ENO4: variants seen among roughly 807,000 people sequenced by gnomAD.
The protein encoded by ENO4 is 2-phospho-D-glycerate hydro-lyase.
Under a neutral mutation model 63.2 loss-of-function variants are expected in ENO4, and 53 were observed. The ratio of observed to expected loss-of-function variants is 0.84; its 90% confidence interval spans 0.67 to 1.05. ENO4 has a LOEUF of 1.05. Ranked by LOEUF, ENO4 falls within the 50% of genes least tolerant of loss-of-function variation. The probability of loss-of-function intolerance (pLI) is 0.00; values close to 1 mark genes in which losing one functional copy is unlikely to be tolerated. For synonymous variants in ENO4, 266 were observed against 283.8 expected (o/e 0.94, Z 0.63); for missense variants, 719 against 772.0 (o/e 0.93, Z 0.81).
chr10:116,850,071 T>G, intron 1 of ENO4: 1 of 458,134 alleles, frequency 2.2e-6, no homozygotes, highest in East Asian at 4.8e-5. Flanking sequence ...TGCTTGCCAA[T>G]TGTCATTTTT....
chr10:116,849,875 T>A, intron 1 of ENO4, 144 bp downstream of exon 1: 1 of 974,120 alleles, frequency 1.0e-6, no homozygotes, highest in Non-Finnish European at 1.6e-6. Flanking sequence ...CGGAGGAGAC[T>A]TCTGGAGGGA....
chr10:116,909,843 G>C (rs1848120603), intron 10 of ENO4, among the ~76,000 whole-genome samples: 1 of 152,038 alleles, frequency 6.6e-6, no homozygotes, highest in Non-Finnish European at 1.5e-5. Context: ...CTTCTTTCTG[G>C]TTCTGTTCCA....
At chr10:116,909,308 T>C (rs1227524197) in intron 10 of ENO4, among the ~76,000 whole-genome samples, 6 of 152,158 alleles carry the variant, frequency 3.9e-5, no homozygotes, top group Admixed American at 3.9e-4. Context: ...ACTAATCTAA[T>C]TGTCAGGCAA....
intron 10 of ENO4, among the ~76,000 whole-genome samples, chr10:116,888,506 G>A (rs1025742083): frequency 2.6e-5 from 4 of 152,166 alleles, no homozygotes; most frequent in Non-Finnish European, 5.9e-5. Context: ...GAGGGAAGGC[G>A]GCTGTAAAGT....
Position 116,909,493 on chromosome 10 carries a change from G to A in ENO4, c.1195-2006G>A, listed in dbSNP as rs1726704821. Among the ~76,000 whole-genome samples the A allele has an allele frequency of 2.0e-5, 3 of 152,154 alleles. No individual in the cohort carries two copies. In the South Asian group the frequency reaches 6.2e-4, roughly 32 times the overall value. On this transcript the variant is annotated intron_variant, in intron 10 of 10. Coordinates refer to the ENO4 transcript ENST00000369207. The stretch of plus-strand genomic sequence containing the variant: ...CTTCAGCAATCACCACTGTCACTTA[G>A]AGTGGCTTTCTAAGTGACTGAGGTG...
intron 10 of ENO4, among the ~76,000 whole-genome samples, chr10:116,904,604 G>C (rs893444685): frequency 6.6e-6 from 1 of 151,666 alleles, no homozygotes; most frequent in Non-Finnish European, 1.5e-5. Flanking sequence ...TATTCTAACT[G>C]CCCTAAAATA....
intron 10 of ENO4, among the ~76,000 whole-genome samples, chr10:116,909,699 T>C (rs1020539611): frequency 1.3e-5 from 2 of 151,956 alleles, no homozygotes; most frequent in African/African-American, 4.8e-5. Context: ...ACTCAGAAAA[T>C]AGAATAGGGG....
At chr10:116,879,440 G>C in intron 12 of ENO4, 82 bp downstream of exon 12, 1 of 1,056,444 alleles carries the variant, frequency 9.5e-7, no homozygotes. Context: ...CTCTGGTGGA[G>C]AAAGGCATGT....
At chr10:116,893,417 T>A (rs1400464629) in intron 10 of ENO4, among the ~76,000 whole-genome samples, 1 of 152,128 alleles carries the variant, frequency 6.6e-6, no homozygotes, top group Non-Finnish European at 1.5e-5. Flanking sequence ...AAGATTACAG[T>A]TGAGAGCAGA....
intron 3 of ENO4, 31 bp downstream of exon 3, chr10:116,856,713 A>G (rs897690645): frequency 6.1e-6 from 9 of 1,482,262 alleles, no homozygotes; most frequent in Non-Finnish European, 8.1e-6. Flanking sequence ...TATAAACATC[A>G]AGTACAAGCC....
At chr10:116,863,208 G>C (rs1394368073) in intron 7 of ENO4, among the ~76,000 whole-genome samples, 2 of 152,186 alleles carry the variant, frequency 1.3e-5, no homozygotes, top group Non-Finnish European at 2.9e-5. Context: ...GAGCAAACAA[G>C]GGCCCCTGGC....
At chr10:116,883,085 T>C (rs1242453943), downstream of ENO4, 1 of 151,612 alleles carries the variant, frequency 6.6e-6, no homozygotes, top group Non-Finnish European at 1.5e-5. Context: ...AATAACAAAA[T>C]AACTAAATTA....
intron 10 of ENO4, chr10:116,901,546 G>T (rs1847736755): frequency 1.0e-6 from 1 of 985,180 alleles, no homozygotes; most frequent in Non-Finnish European, 1.2e-6. Context: ...CAGTTTAGGG[G>T]AAGTAATTCT....
chr10:116,862,672 G>T, intron 6 of ENO4, 127 bp from the exon 7 acceptor site: 1 of 643,834 alleles, frequency 1.6e-6, no homozygotes. Context: ...TGATTTTGTA[G>T]AGCATATCAT....
chr10:116,856,802 C>G, intron 3 of ENO4, 120 bp downstream of exon 3: 1 of 818,040 alleles, frequency 1.2e-6, no homozygotes, highest in Non-Finnish European at 1.8e-6. Context: ...GAGGTCGAGA[C>G]CACGGTGAAA....
intron 7 of ENO4, among the ~76,000 whole-genome samples, chr10:116,867,861 T>C (rs940023202): frequency 1.3e-5 from 2 of 152,208 alleles, no homozygotes; most frequent in African/African-American, 4.8e-5. Context: ...CATTCTGAAT[T>C]GGAGCCAGTA....
chr10:116,853,962 G>A (rs1846171807), intron 1 of ENO4, among the ~76,000 whole-genome samples: 1 of 152,148 alleles, frequency 6.6e-6, no homozygotes, highest in African/African-American at 2.4e-5. Context: ...CAATAAAGGT[G>A]TGCCTTCACC....
chr10:116,912,293 C>G (rs915112318), downstream of ENO4, among the ~76,000 whole-genome samples: 1 of 152,206 alleles, frequency 6.6e-6, no homozygotes, highest in African/African-American at 2.4e-5. Flanking sequence ...AAACCTCTCT[C>G]AGCTCCACCA....
chr10:116,909,661 C>T (rs893291859), intron 10 of ENO4, among the ~76,000 whole-genome samples: 3 of 152,162 alleles, frequency 2.0e-5, no homozygotes, highest in African/African-American at 7.2e-5. Flanking sequence ...AATACTGAGA[C>T]ATTAAAAATT....
Sources: allele counts gnomAD v4.1 joint callset (sites outside exome capture counted in the v4.1 genomes callset), GRCh38; gene constraint gnomAD v4.1.1; transcripts MANE v1.5; gene names NCBI Gene and HGNC (gene_info 2026-07-23, HGNC 2026-07-21).